TMEM80: variants seen among roughly 807,000 people sequenced by gnomAD.
TMEM80 encodes transmembrane protein 80.
Under a neutral mutation model 13.6 loss-of-function variants are expected in TMEM80, and 16 were observed. The ratio of observed to expected loss-of-function variants is 1.17; its 90% CI spans 0.79 to 1.78. The LOEUF (loss-of-function observed/expected upper bound fraction) is 1.78. TMEM80 is among the 40% of genes most tolerant of loss of function. The pLI, the probability that TMEM80 is intolerant of heterozygous loss-of-function variation, is 0.00. For missense variants in TMEM80, 167 were observed against 184.6 expected (o/e 0.90, Z 0.55); for synonymous variants, 92 against 89.5 (o/e 1.03, Z -0.16).
At chr11:698,735 A>G (rs1346607342) in intron 1 of TMEM80, 134 bp from the exon 2 acceptor site, 2 of 1,028,396 alleles carry the variant, frequency 1.9e-6, no homozygotes, top group Non-Finnish European at 1.5e-6. Context: ...GGCCCACGGT[A>G]TATGTTTGCT....
At chr11:698,751 C>A (rs1861311835) in intron 1 of TMEM80, 118 bp from the exon 2 acceptor site, 5 of 1,241,728 alleles carry the variant, frequency 4.0e-6, no homozygotes, top group Non-Finnish European at 5.9e-6. Context: ...TTGCTGCTTT[C>A]TACAAATACG....
Position 703,243 on chromosome 11 carries a change from C to T in TMEM80, c.*93C>T. The T allele has an allele frequency of 2.0e-6, 3 of 1,464,342 alleles. No individual in the cohort carries two copies. In the South Asian group the frequency reaches 4.3e-5, roughly 21 times the overall value. The allele number at this position is 1,464,342 out of a possible 1,614,324, so 90.7% of individuals were successfully genotyped here. On this transcript the variant is annotated 3_prime_UTR_variant, in exon 5 of 5. Transcript: ENST00000397510. ...CCTCCCCATTCCTGGACAGGAAGGG[C>T]ACTTTTCCTAGTGACTGGCCATAGA...
intron 2 of TMEM80, chr11:699,109 A>C: frequency 1.8e-6 from 1 of 549,240 alleles, no homozygotes; most frequent in Non-Finnish European, 3.2e-6. Flanking sequence ...AAAGTGGCTA[A>C]GCACGCCACA....
intron 2 of TMEM80, chr11:699,820 G>A (rs1861362002): frequency 3.4e-6 from 1 of 295,556 alleles, no homozygotes; most frequent in Non-Finnish European, 6.3e-6. Context: ...AAGGCAGGGT[G>A]ACATCACTGG....
chr11:703,412 G>A lies in TMEM80; in HGVS notation c.*262G>A, dbSNP rs1399428264. The A allele has an allele frequency of 1.8e-5, 24 of 1,330,456 alleles. No individual in the cohort carries two copies. Among genetic ancestry groups the A allele is most frequent in the Middle Eastern group, 2.7e-4 (1 of 3,638 alleles). The allele number at this position is 1,330,456 out of a possible 1,614,324, so 82.4% of individuals were successfully genotyped here. A position where few individuals can be genotyped will look rare whatever the true frequency, so the allele number is the denominator to read the frequency against. ...TGCCTTCAAGATGAGTCCCAGGAGC[G>A]CACACTCAGCCCTGTCAGTGGGGTC... is the stretch of plus-strand genomic sequence containing the variant. On this transcript the variant is annotated 3_prime_UTR_variant, in exon 5 of 5. Coordinates refer to ENST00000397510, the MANE Select transcript of TMEM80 (RefSeq NM_001042463.3).
Position 700,670 on chromosome 11 carries a change from T to C in TMEM80, c.189T>C (p.Phe63=), listed in dbSNP as rs767084779. ...TGGTCCTCGATCTTGCTCTGCTGTT[T>C]CTGATGGGGATTCTAGAAGCAGTTC... ...RYLVLDLALL[F]LMGILEAVRL... is the part of the protein sequence containing the mutation. Residue 63 remains phenylalanine (F), a synonymous_variant, in exon 4 of 5, where the codon TTT becomes TTC. Transcript: ENST00000397510. 1.2e-6 allele frequency: 2 copies of C among 1,614,160 alleles called. No individual in the cohort carries two copies. Among genetic ancestry groups the C allele is most frequent in the Admixed American group, 1.7e-5 (1 of 60,018 alleles).
chr11:701,201 A>T (rs7116304), intron 4 of TMEM80: 18,180 of 178,910 alleles, frequency 0.1, 1,056 homozygotes, highest in Middle Eastern at 0.19. Flanking sequence ...TTTTTTTGAG[A>T]CGAGGTCTCA....
chr11:695,724 G>A, upstream of TMEM80: 1 of 1,241,390 alleles, frequency 8.1e-7, no homozygotes, highest in Non-Finnish European at 1.0e-6. Flanking sequence ...ACGCGGCGCG[G>A]TCGGGCCCCT....
chr11:703,315 C>T lies in TMEM80; in HGVS notation c.*165C>T. On this transcript the variant is annotated 3_prime_UTR_variant, in exon 5 of 5. Transcript: ENST00000397510. Reference sequence around the variant, plus strand: ...GTTCTGGCAGGAGTGGGAGCAGGAGCCAGGGCAGAACAAACTGCTGGAGGC... The same window carrying T: ...GTTCTGGCAGGAGTGGGAGCAGGAGTCAGGGCAGAACAAACTGCTGGAGGC... 3 of 1,417,792 alleles carry T rather than the reference C, an allele frequency of 2.1e-6. No homozygotes were observed. The South Asian group carries it at 5.1e-5, about 24-fold the overall frequency. 87.8% of individuals were successfully genotyped at this position (1,417,792 alleles called of 1,614,324 possible).
Position 703,199 on chromosome 11 carries a change from A to C in TMEM80, c.*49A>C, listed in dbSNP as rs200573960. On this transcript the variant is annotated 3_prime_UTR_variant, in exon 5 of 5. Transcript: ENST00000397510. ...CACTGGGGCCCTCCTCCTGGGCCTG[A>C]CCAGTCCCCCAGCTGTCACCTCCCC... is the stretch of plus-strand genomic sequence containing the variant. 9.1e-6 allele frequency: 14 copies of C among 1,544,408 alleles called. No homozygotes were observed. Among genetic ancestry groups the C allele is most frequent in the Non-Finnish European group, 1.2e-5 (14 of 1,139,178 alleles).
chr11:700,593 C>T (rs369712491), intron 3 of TMEM80, 22 bp from the exon 4 acceptor site: 33 of 1,603,180 alleles, frequency 2.1e-5, no homozygotes, highest in African/African-American at 9.4e-5. Flanking sequence ...ACTTATGTTC[C>T]GTCCGCGCCT....
At chr11:700,013 T>A in intron 2 of TMEM80, 129 bp from the exon 3 acceptor site, 1 of 695,778 alleles carries the variant, frequency 1.4e-6, no homozygotes, top group Middle Eastern at 2.9e-4. Flanking sequence ...AGTGAGCCAT[T>A]GCCAAGACTC....
rs1215797106 is a variant in TMEM80, at chr11:703,075, C to T, written c.357C>T (p.Leu119=). 1 of 1,612,686 alleles carries T rather than the reference C, an allele frequency of 6.2e-7. No homozygotes were observed. Among genetic ancestry groups the T allele is most frequent in the Admixed American group, 1.7e-5 (1 of 59,990 alleles). ...QALVLWADWA[L]SATLLALHGL... ...TAGTGTTGTGGGCGGACTGGGCCCT[C>T]AGCGCCACGCTCCTGGCCCTTCACG... The change falls in exon 5 of 5, where the codon CTC becomes CTT. Residue 119 remains leucine, a synonymous_variant. Transcript: ENST00000397510.
chr11:702,694 C>T (rs995853621), intron 4 of TMEM80, among the ~76,000 whole-genome samples: 12 of 152,264 alleles, frequency 7.9e-5, no homozygotes, highest in African/African-American at 2.9e-4. Context: ...CCAGAAGACC[C>T]AGAGACAGAT....
chr11:699,821 A>T, intron 2 of TMEM80: 1 of 296,578 alleles, frequency 3.4e-6, no homozygotes, highest in East Asian at 6.3e-5. Flanking sequence ...AGGCAGGGTG[A>T]CATCACTGGG....
At chr11:700,982 A>C in intron 4 of TMEM80, 1 of 421,470 alleles carries the variant, frequency 2.4e-6, no homozygotes, top group Non-Finnish European at 4.1e-6. Flanking sequence ...CACTGAGATC[A>C]GAAAAGCCCA....
At chr11:698,991 G>A in intron 2 of TMEM80, 103 bp downstream of exon 2, 1 of 1,408,814 alleles carries the variant, frequency 7.1e-7, no homozygotes, top group East Asian at 2.3e-5. Context: ...GTTCTGTCTA[G>A]TAATTCCACT....
At position 699,944 on chromosome 11, in the gene TMEM80, C is replaced by T. The variant is rs559919034; in HGVS notation, c.40-198C>T. 7.3e-5 allele frequency: 41 copies of T among 562,838 alleles called. No individual in the cohort carries two copies. The East Asian group carries it at 1.2e-3, about 17-fold the overall frequency. 34.9% of individuals were successfully genotyped at this position (562,838 alleles called of 1,614,324 possible). A position where few individuals can be genotyped will look rare whatever the true frequency, so the allele number is the denominator to read the frequency against. On this transcript the variant is annotated intron_variant, in intron 2 of 4. Transcript: ENST00000397510. Reference sequence around the variant, plus strand: ...GCATGGAGGGGGGTCCCACAAAGGCCTTGTCAGCTCATGGGACCACATTGG... The same window carrying T: ...GCATGGAGGGGGGTCCCACAAAGGCTTTGTCAGCTCATGGGACCACATTGG...
At chr11:704,515 C>A, downstream of TMEM80, 2 of 1,289,388 alleles carry the variant, frequency 1.6e-6, no homozygotes, top group Non-Finnish European at 2.0e-6. Context: ...CGGGCCACCT[C>A]CCTCACCAGC....
Sources: gnomAD v4.1 joint callset for allele counts (sites outside exome capture counted in the v4.1 genomes callset) on GRCh38, gnomAD v4.1.1 for gene constraint, MANE v1.5 for transcripts, NCBI Gene and HGNC (gene_info 2026-07-23, HGNC 2026-07-21) for gene names.